Variants in C12orf56 observed in about 807,000 individuals in gnomAD.
The protein encoded by C12orf56 is chromosome 12 open reading frame 56, also known as uncharacterized protein C12orf56.
In C12orf56, 71 loss-of-function variants were observed where a neutral mutation model predicts 69.9. The observed-to-expected ratio is 1.02, with a 90% CI of 0.84 to 1.24. C12orf56 has a LOEUF of 1.24. Ranked by LOEUF, C12orf56 falls within the 50% of genes most tolerant of loss-of-function variation. C12orf56 has a pLI of 0.00. For missense variants in C12orf56, 732 were observed against 738.5 expected (o/e 0.99, Z 0.10); for synonymous variants, 276 against 274.1 (o/e 1.01, Z -0.07).
At chr12:64,387,683 G>A (rs1013144855) in intron 1 of C12orf56, among the ~76,000 whole-genome samples, 2 of 151,836 alleles carry the variant, frequency 1.3e-5, no homozygotes, top group African/African-American at 4.8e-5. Flanking sequence ...ATGGTGGCAC[G>A]TGCCTGTAGT....
chr12:64,298,192 G>T (rs1427973700), intron 6 of C12orf56, among the ~76,000 whole-genome samples: 4 of 152,130 alleles, frequency 2.6e-5, no homozygotes, highest in Non-Finnish European at 4.4e-5. Context: ...CTTTTGAGAA[G>T]TGTCTGTTCA....
chr12:64,276,026 A>C (rs1240266880), intron 9 of C12orf56, among the ~76,000 whole-genome samples: 1 of 146,368 alleles, frequency 6.8e-6, no homozygotes, highest in Non-Finnish European at 1.5e-5. Flanking sequence ...TTGAGGTGAG[A>C]GATTCTCTGG....
intron 8 of C12orf56, among the ~76,000 whole-genome samples, chr12:64,278,829 A>G (rs1206913585): frequency 1.3e-5 from 2 of 152,188 alleles, no homozygotes; most frequent in African/African-American, 4.8e-5. Flanking sequence ...GATTCCATAT[A>G]TAAGTGAGAT....
At chr12:64,330,450 C>T (rs1345661103) in intron 3 of C12orf56, among the ~76,000 whole-genome samples, 1 of 152,176 alleles carries the variant, frequency 6.6e-6, no homozygotes, top group East Asian at 1.9e-4. Flanking sequence ...CAACTGTCAC[C>T]AGGCATCTTG....
At chr12:64,385,777 C>G (rs2135990156) in intron 1 of C12orf56, among the ~76,000 whole-genome samples, 1 of 152,264 alleles carries the variant, frequency 6.6e-6, no homozygotes, top group Non-Finnish European at 1.5e-5. Flanking sequence ...GGAGCCTGAT[C>G]TGAGTAATAA....
intron 1 of C12orf56, among the ~76,000 whole-genome samples, chr12:64,368,014 G>A (rs1455233796): frequency 6.6e-6 from 1 of 151,726 alleles, no homozygotes; most frequent in East Asian, 1.9e-4. Flanking sequence ...CACCAAGTTG[G>A]CCAGGCTGGT....
intron 3 of C12orf56, among the ~76,000 whole-genome samples, chr12:64,325,313 A>G (rs1296859981): frequency 6.6e-6 from 1 of 151,886 alleles, no homozygotes; most frequent in Non-Finnish European, 1.5e-5. Flanking sequence ...TTAGTGAGCC[A>G]TAATCACACC....
chr12:64,358,482 A>ATCATCATCATCATCATC lies in C12orf56; in HGVS notation c.253-5427_253-5426insGATGATGATGATGATGA, dbSNP rs2039352108. Reference sequence around the variant, plus strand: ...CAAAAGTAATAATAATAATAATAATAATCATCATCATCATCATCATCATCA... The same window carrying ATCATCATCATCATCATC: ...CAAAAGTAATAATAATAATAATAATATCATCATCATCATCATCATCATCATCATCATCATCATCATCA... On this transcript the variant is annotated intron_variant, in intron 1 of 12. Coordinates refer to ENST00000543942, the MANE Select transcript of C12orf56 (RefSeq NM_001170633.2). Among the ~76,000 whole-genome samples the ATCATCATCATCATCATC allele has an allele frequency of 9.0e-4, 113 of 125,944 alleles. 3 individuals are homozygous for ATCATCATCATCATCATC. Among genetic ancestry groups the ATCATCATCATCATCATC allele is most frequent in the South Asian group, 3.2e-3 (12 of 3,726 alleles). The allele number at this position is 125,944 out of a possible 152,430, so 82.6% of individuals were successfully genotyped here.
At chr12:64,317,803 A>G (rs566563550) in intron 4 of C12orf56, among the ~76,000 whole-genome samples, 297 of 152,274 alleles carry the variant, frequency 2.0e-3, no homozygotes, top group Middle Eastern at 0.01. Flanking sequence ...CTTCATTTAT[A>G]AAATAAGGAC....
rs2038882997 is a variant in C12orf56 at position 64,328,705 on chromosome 12, AAATATATATATATATATATATATAT to A, written c.488+2230_488+2254del. On this transcript the variant is annotated intron_variant, in intron 3 of 12. Coordinates refer to ENST00000543942, the MANE Select transcript of C12orf56 (RefSeq NM_001170633.2). Reference sequence around the variant, plus strand: ...AAAAAAAAAAAAAAAAAAAAAAAAAAAATATATATATATATATATATATATATATATAGTATCACACTTTAACTTA... The same window carrying A: ...AAAAAAAAAAAAAAAAAAAAAAAAAAATATATAGTATCACACTTTAACTTA... 5.3e-4 allele frequency among the ~76,000 whole-genome samples: 4 copies of A among 7,556 alleles called. 1 individual carries two copies. Among genetic ancestry groups the A allele is most frequent in the African/African-American group, 9.0e-4 (2 of 2,216 alleles). The allele number at this position is 7,556 out of a possible 152,430, so 5.0% of individuals were successfully genotyped here.
chr12:64,356,632 G>A lies in C12orf56; in HGVS notation c.253-3576C>T, dbSNP rs551901029. Reference sequence around the variant, plus strand: ...GATGGTTACAGAACAGGTAAGTCAGGACGGAGCAGGTGACCAGGGGTGACT... The same window carrying A: ...GATGGTTACAGAACAGGTAAGTCAGAACGGAGCAGGTGACCAGGGGTGACT... On this transcript the variant is annotated intron_variant, in intron 1 of 12. Coordinates refer to ENST00000543942, the MANE Select transcript of C12orf56 (RefSeq NM_001170633.2). 4.6e-5 allele frequency among the ~76,000 whole-genome samples: 7 copies of A among 152,326 alleles called. 1 individual carries two copies. The South Asian group carries it at 1.2e-3, about 27-fold the overall frequency.
intron 1 of C12orf56, among the ~76,000 whole-genome samples, chr12:64,380,688 G>T (rs923804521): frequency 6.6e-6 from 1 of 152,166 alleles, no homozygotes; most frequent in African/African-American, 2.4e-5. Flanking sequence ...TGCTGAGTTT[G>T]GGCTGAAATA....
At position 64,389,565 on chromosome 12, in the gene C12orf56, C is replaced by T. The variant is rs142769780; in HGVS notation, c.252+749G>A. Among the ~76,000 whole-genome samples, 406 of 152,250 alleles carry T rather than the reference C, an allele frequency of 2.7e-3. 3 individuals are homozygous for T. The highest frequency in any genetic ancestry group is 3.3e-3 in the Non-Finnish European group (226 of 68,022). ...GGCTGGAGTGCAGGTGGGGCGATCT[C>T]GGCTCACGGCAACCTCCGCCTCCCA... is the stretch of plus-strand genomic sequence containing the variant. On this transcript the variant is annotated intron_variant, in intron 1 of 12. Coordinates refer to ENST00000543942, the MANE Select transcript of C12orf56 (RefSeq NM_001170633.2).
intron 2 of C12orf56, among the ~76,000 whole-genome samples, chr12:64,345,502 G>T (rs1476340875): frequency 6.6e-6 from 1 of 152,108 alleles, no homozygotes; most frequent in African/African-American, 2.4e-5. Flanking sequence ...AAGTTGCAGG[G>T]TCCCTTTCTT....
In C12orf56 at chr12:64,313,491, G is replaced by A. The variant is rs995921457; in HGVS notation, c.895-739C>T. On this transcript the variant is annotated intron_variant, in intron 4 of 12. Transcript: ENST00000543942. ...GAGTCCAGGAGTTGGAGGCTGCAGT[G>A]AGCTATGATTGTGCCACTACACTCC... is the stretch of plus-strand genomic sequence containing the variant. Among the ~76,000 whole-genome samples the A allele has an allele frequency of 4.6e-5, 7 of 151,814 alleles. No homozygotes were observed. The East Asian group carries it at 1.4e-3, about 29-fold the overall frequency.
rs1351436845 is a variant in C12orf56, at chr12:64,266,017, CTTCT to C, written c.*1162_*1165del. 1.3e-5 allele frequency: 2 copies of C among 152,238 alleles called. No individual in the cohort carries two copies. Among genetic ancestry groups the C allele is most frequent in the East Asian group, 3.8e-4 (2 of 5,206 alleles). 9.4% of individuals were successfully genotyped at this position (152,238 alleles called of 1,614,324 possible). A position where few individuals can be genotyped will look rare whatever the true frequency, so the allele number is the denominator to read the frequency against. Reference sequence around the variant, plus strand: ...GCACTTAATTTTGTTGAAGTCCAAGCTTCTTTCTCTATGATAAAAGAGGAAGTGA... The same window carrying C: ...GCACTTAATTTTGTTGAAGTCCAAGCTTCTCTATGATAAAAGAGGAAGTGA... On this transcript the variant is annotated 3_prime_UTR_variant, in exon 13 of 13. Coordinates refer to ENST00000543942, the MANE Select transcript of C12orf56 (RefSeq NM_001170633.2).
intron 6 of C12orf56, among the ~76,000 whole-genome samples, chr12:64,303,084 C>T (rs970296027): frequency 2.6e-5 from 4 of 151,968 alleles, no homozygotes; most frequent in Non-Finnish European, 4.4e-5. Context: ...ACCAACCTGG[C>T]CGACATGGTG....
chr12:64,357,520 C>T (rs1050903673), intron 1 of C12orf56, among the ~76,000 whole-genome samples: 8 of 151,872 alleles, frequency 5.3e-5, no homozygotes, highest in Non-Finnish European at 1.0e-4. Flanking sequence ...TCAAGTGATC[C>T]TCCCACCTCA....
At chr12:64,299,689 A>C (rs1238059330) in intron 6 of C12orf56, among the ~76,000 whole-genome samples, 3 of 152,158 alleles carry the variant, frequency 2.0e-5, no homozygotes, top group Non-Finnish European at 1.5e-5. Context: ...AAAATGTGCC[A>C]ATCACTATAG....
Sources: gnomAD v4.1 joint callset for allele counts (sites outside exome capture counted in the v4.1 genomes callset) on GRCh38, gnomAD v4.1.1 for gene constraint, MANE v1.5 for transcripts, NCBI Gene and HGNC (gene_info 2026-07-23, HGNC 2026-07-21) for gene names.